Variants in L3MBTL3 observed in about 807,000 individuals in gnomAD.
L3MBTL3 encodes lethal(3)malignant brain tumor-like protein 3.
A neutral mutation model predicts 102.3 loss-of-function variants in L3MBTL3; 27 were observed. The ratio of observed to expected loss-of-function variants is 0.26; its 90% CI spans 0.19 to 0.36. The LOEUF (loss-of-function observed/expected upper bound fraction) is 0.36. Ranked by LOEUF, L3MBTL3 falls within the 10% of genes least tolerant of loss-of-function variation. The probability of loss-of-function intolerance (pLI) is 1.00; values close to 1 mark genes in which losing one functional copy is unlikely to be tolerated. For synonymous variants in L3MBTL3, 340 were observed against 320.9 expected (o/e 1.06, Z -0.64); for missense variants, 798 against 955.3 (o/e 0.84, Z 2.17).
chr6:130,019,887 C>G (rs1294805380), intron 1 of L3MBTL3, among the ~76,000 whole-genome samples: 5 of 139,306 alleles, frequency 3.6e-5, no homozygotes, highest in Non-Finnish European at 6.3e-5. Flanking sequence ...GCGGGCCGGG[C>G]CGGGAGCCCG....
Position 130,042,581 on chromosome 6 carries a change from T to C in L3MBTL3, c.-15-104T>C. 2 of 641,178 alleles carry C rather than the reference T, an allele frequency of 3.1e-6. 1 individual carries two copies. Among genetic ancestry groups the C allele is most frequent in the South Asian group, 4.5e-5 (2 of 44,934 alleles). 39.7% of individuals were successfully genotyped at this position (641,178 alleles called of 1,614,324 possible). A position where few individuals can be genotyped will look rare whatever the true frequency, so the allele number is the denominator to read the frequency against. On this transcript the variant is annotated intron_variant, in intron 2 of 22. Coordinates refer to ENST00000361794, the MANE Select transcript of L3MBTL3 (RefSeq NM_032438.4). Reference sequence around the variant, plus strand: ...GATCCAGGGATATGGGATATTGTGATCAAGAAAATTATGTAATTAAGGGAA... The same window carrying C: ...GATCCAGGGATATGGGATATTGTGACCAAGAAAATTATGTAATTAAGGGAA...
At chr6:130,064,489 T>A (rs527962281) in intron 10 of L3MBTL3, among the ~76,000 whole-genome samples, 1 of 152,000 alleles carries the variant, frequency 6.6e-6, no homozygotes, top group African/African-American at 2.4e-5. Flanking sequence ...TGCCAGGGTA[T>A]TGGATAAGTC....
chr6:130,108,229 T>TTTC (rs1443169010), intron 19 of L3MBTL3, among the ~76,000 whole-genome samples: 1 of 119,152 alleles, frequency 8.4e-6, no homozygotes, highest in Non-Finnish European at 1.7e-5. Flanking sequence ...GGTTTTTTTT[T>TTTC]TGTTTTTTTT....
intron 10 of L3MBTL3, 69 bp from the exon 11 acceptor site, chr6:130,066,282 TTG>T: frequency 3.7e-6 from 1 of 271,090 alleles, no homozygotes; most frequent in Non-Finnish European, 5.6e-6. Context: ...ATGTTTATTT[TTG>T]TGTATATATA....
At chr6:130,019,099 C>T (rs1778749325) in intron 1 of L3MBTL3, among the ~76,000 whole-genome samples, 1 of 151,946 alleles carries the variant, frequency 6.6e-6, no homozygotes, top group African/African-American at 2.4e-5. Context: ...GCGAGGCGGC[C>T]GCGTTGGGCT....
At chr6:130,121,643 T>C (rs1460061692) in intron 20 of L3MBTL3, among the ~76,000 whole-genome samples, 1 of 152,150 alleles carries the variant, frequency 6.6e-6, no homozygotes, top group Admixed American at 6.6e-5. Flanking sequence ...ATCATTTGCT[T>C]CCTGTGTTTA....
At chr6:130,070,094 TTTTG>T (rs1325800365) in intron 12 of L3MBTL3, among the ~76,000 whole-genome samples, 4 of 152,212 alleles carry the variant, frequency 2.6e-5, no homozygotes, top group Middle Eastern at 3.4e-3. Flanking sequence ...TAACAGAGGT[TTTTG>T]TTTGTTTTTT....
In L3MBTL3 at chr6:130,140,798, A is replaced by G. The variant is rs1455768613; in HGVS notation, c.*1045A>G. On this transcript the variant is annotated 3_prime_UTR_variant, in exon 23 of 23. Transcript: ENST00000361794. ...TTTCAGGGTTGGCTAGAGAGCGAGTATTGTGATTTTGCTGAAAAGACAAGG... is the reference window on the plus strand; with the variant it reads ...TTTCAGGGTTGGCTAGAGAGCGAGTGTTGTGATTTTGCTGAAAAGACAAGG... The G allele has an allele frequency of 6.6e-6, 1 of 152,352 alleles. No homozygotes were observed. Among genetic ancestry groups the G allele is most frequent in the African/African-American group, 2.4e-5 (1 of 41,438 alleles). 9.4% of individuals were successfully genotyped at this position (152,352 alleles called of 1,614,324 possible).
Position 130,049,326 on chromosome 6 carries a change from G to A in L3MBTL3, c.147G>A (p.Glu49=), listed in dbSNP as rs1308838237. 1.2e-6 allele frequency: 2 copies of A among 1,613,774 alleles called. No homozygotes were observed. Among genetic ancestry groups the A allele is most frequent in the East Asian group, 2.2e-5 (1 of 44,882 alleles). The change falls in exon 4 of 23, where the codon GAG becomes GAA. Residue 49 remains glutamate (E), a synonymous_variant. Transcript: ENST00000361794. ...GAGCCCTGGAAGTTATTACAGATGAGAATGAGATGGAAAATGTTAAAAAAG... is the reference window on the plus strand; with the variant it reads ...GAGCCCTGGAAGTTATTACAGATGAAAATGAGATGGAAAATGTTAAAAAAG... ...EFGALEVITD[E]NEMENVKKAT...
In L3MBTL3 at chr6:130,133,638, T is replaced by A. The variant is rs1188511894; in HGVS notation, c.2136+17T>A. The stretch of plus-strand genomic sequence containing the variant: ...ACAGACGAGGTATATTTTATTTTCT[T>A]TGCTGCCCGACACCAGATACAGGAT... On this transcript the variant is annotated intron_variant, in intron 21 of 22. Transcript: ENST00000361794. The surrounding 1 kb of genome is among the most constrained non-coding windows in gnomAD (Gnocchi z 4.9). 6.2e-7 allele frequency: 1 copy of A among 1,611,286 alleles called. No homozygotes were observed. Among genetic ancestry groups the A allele is most frequent in the Non-Finnish European group, 8.5e-7 (1 of 1,179,692 alleles).
At chr6:130,105,001 TATTTC>T (rs1784903901) in intron 19 of L3MBTL3, among the ~76,000 whole-genome samples, 9 of 152,320 alleles carry the variant, frequency 5.9e-5, no homozygotes, top group Admixed American at 5.2e-4. Flanking sequence ...GCATATACAT[TATTTC>T]ATTTAATTAT....
At chr6:130,065,904 G>GA (rs141502317) in intron 10 of L3MBTL3, among the ~76,000 whole-genome samples, 2 of 151,984 alleles carry the variant, frequency 1.3e-5, no homozygotes, top group African/African-American at 4.8e-5. Context: ...CTTTGGTGGA[G>GA]AAAAAAAGCT....
intron 1 of L3MBTL3, among the ~76,000 whole-genome samples, chr6:130,019,131 G>T (rs940489027): frequency 3.3e-5 from 5 of 151,578 alleles, no homozygotes; most frequent in African/African-American, 1.2e-4. Flanking sequence ...GCAGGCGGCG[G>T]GATGCGTGTG....
At chr6:130,081,705 G>A (rs1477663765) in intron 14 of L3MBTL3, among the ~76,000 whole-genome samples, 5 of 151,996 alleles carry the variant, frequency 3.3e-5, no homozygotes, top group East Asian at 1.9e-4. Flanking sequence ...GATTACAGGC[G>A]TGAGCCACCG....
At chr6:130,047,574 T>A (rs1031678507) in intron 3 of L3MBTL3, among the ~76,000 whole-genome samples, 1 of 152,212 alleles carries the variant, frequency 6.6e-6, no homozygotes, top group Non-Finnish European at 1.5e-5. Context: ...TTTCTTACAT[T>A]TTGTATTTGT....
At chr6:130,091,313 A>G (rs1447786158) in intron 16 of L3MBTL3, among the ~76,000 whole-genome samples, 1 of 152,180 alleles carries the variant, frequency 6.6e-6, no homozygotes, top group East Asian at 1.9e-4. Context: ...TGAGAGGTTC[A>G]TAGACTTCTA....
At chr6:130,048,976 A>G in intron 3 of L3MBTL3, among the ~76,000 whole-genome samples, 1 of 152,220 alleles carries the variant, frequency 6.6e-6, no homozygotes, top group Non-Finnish European at 1.5e-5. Context: ...ACACATACAC[A>G]CACAAAGTGT....
At chr6:130,120,745 A>G (rs1786102998) in intron 19 of L3MBTL3, 134 bp from the exon 20 acceptor site, 1 of 636,490 alleles carries the variant, frequency 1.6e-6, no homozygotes. Context: ...TTGTAGGAGA[A>G]CTATATATCC....
At chr6:130,125,777 C>T (rs1463308331) in intron 20 of L3MBTL3, among the ~76,000 whole-genome samples, 1 of 152,090 alleles carries the variant, frequency 6.6e-6, no homozygotes, top group African/African-American at 2.4e-5. Flanking sequence ...GTGTGGGTAG[C>T]ATTTATTCTA....
Sources: allele counts gnomAD v4.1 joint callset (sites outside exome capture counted in the v4.1 genomes callset), GRCh38; gene constraint gnomAD v4.1.1; non-coding constraint Gnocchi (gnomAD v3.1); transcripts MANE v1.5; gene names NCBI Gene and HGNC (gene_info 2026-07-23, HGNC 2026-07-21).